EYS: variants seen among roughly 807,000 people sequenced by gnomAD.
EYS encodes EGF-like photoreceptor maintenance factor.
A neutral mutation model predicts 282.1 loss-of-function variants in EYS; 250 were observed. That is an observed-to-expected ratio of 0.89 (90% CI 0.80 to 0.98). The LOEUF is 0.98. EYS is among the 50% of genes least tolerant of loss of function. The probability of loss-of-function intolerance (pLI) is 0.00; values close to 1 mark genes in which losing one functional copy is unlikely to be tolerated. For synonymous variants in EYS, 1,355 were observed against 1,282.9 expected (o/e 1.06, Z -1.20); for missense variants, 4,016 against 3,709.0 (o/e 1.08, Z -2.15).
chr6:65,291,911 G>A lies in EYS; in HGVS notation c.2023+3952C>T, dbSNP rs146565877. ...GCAGAGTGATGAAATTGAGCTTGAC[G>A]TGATCCTACAATATGTCTTGAAAGC... On this transcript the variant is annotated intron_variant, in intron 12 of 42. Transcript: ENST00000503581. Among the ~76,000 whole-genome samples, 354 of 151,668 alleles carry A rather than the reference G, an allele frequency of 2.3e-3. 3 individuals carry two copies. The highest frequency in any genetic ancestry group is 7.5e-3 in the African/African-American group (312 of 41,462).
At chr6:64,443,839 C>A (rs1258394156) in intron 26 of EYS, among the ~76,000 whole-genome samples, 1 of 152,104 alleles carries the variant, frequency 6.6e-6, no homozygotes, top group Non-Finnish European at 1.5e-5. Flanking sequence ...AAAACTCTTT[C>A]TTTTGTAAAC....
At chr6:63,976,495 C>T (rs534282684) in intron 35 of EYS, among the ~76,000 whole-genome samples, 15 of 152,076 alleles carry the variant, frequency 9.9e-5, no homozygotes, top group Middle Eastern at 6.8e-3. Flanking sequence ...TTGATGGAGG[C>T]GCAAATGAAT....
chr6:65,042,303 A>T (rs1772961827), intron 13 of EYS, among the ~76,000 whole-genome samples: 1 of 151,638 alleles, frequency 6.6e-6, no homozygotes, highest in Admixed American at 6.6e-5. Flanking sequence ...TTTTTTATCC[A>T]GATGAATAAT....
intron 9 of EYS, among the ~76,000 whole-genome samples, chr6:65,352,510 C>G (rs1003972116): frequency 4.6e-5 from 7 of 151,818 alleles, no homozygotes; most frequent in Non-Finnish European, 1.0e-4. Flanking sequence ...AATTGAAACT[C>G]TATAATATAA....
chr6:65,074,481 C>T (rs757972974), intron 12 of EYS, among the ~76,000 whole-genome samples: 7 of 152,020 alleles, frequency 4.6e-5, no homozygotes, highest in Non-Finnish European at 1.0e-4. Flanking sequence ...CTCTGAGTGG[C>T]TACTGCCGAG....
chr6:65,318,918 C>G (rs78913018), intron 11 of EYS, among the ~76,000 whole-genome samples: 2 of 150,420 alleles, frequency 1.3e-5, no homozygotes, highest in African/African-American at 2.4e-5. Flanking sequence ...CTGGGATTAC[C>G]GTCGTGAGCC....
intron 12 of EYS, among the ~76,000 whole-genome samples, chr6:65,240,421 T>G (rs1767029755): frequency 6.6e-6 from 1 of 152,106 alleles, no homozygotes; most frequent in African/African-American, 2.4e-5. Context: ...TTTCAGCACT[T>G]GCCCACCTCC....
chr6:64,416,808 T>C (rs1774071607), intron 28 of EYS, among the ~76,000 whole-genome samples: 1 of 152,104 alleles, frequency 6.6e-6, no homozygotes, highest in Non-Finnish European at 1.5e-5. Context: ...TGTCCTTAGG[T>C]AAAAGATAAT....
intron 22 of EYS, among the ~76,000 whole-genome samples, chr6:64,689,393 T>A (rs1362969243): frequency 6.6e-6 from 1 of 152,040 alleles, no homozygotes; most frequent in African/African-American, 2.4e-5. Context: ...ATGGCCATAC[T>A]GCCCAAGGTA....
intron 13 of EYS, 91 bp from the exon 14 acceptor site, chr6:64,997,794 G>T: frequency 8.5e-7 from 1 of 1,182,236 alleles, no homozygotes; most frequent in Non-Finnish European, 1.2e-6. Context: ...AATCATTTAT[G>T]TAGTTCACTT....
At chr6:65,301,519 G>A (rs1473912797) in intron 11 of EYS, among the ~76,000 whole-genome samples, 3 of 152,178 alleles carry the variant, frequency 2.0e-5, no homozygotes, top group African/African-American at 7.2e-5. Context: ...GGAGGACGAC[G>A]GACGGCAGCG....
intron 26 of EYS, among the ~76,000 whole-genome samples, chr6:64,451,315 G>T (rs1164782631): frequency 6.6e-6 from 1 of 152,180 alleles, no homozygotes; most frequent in Non-Finnish European, 1.5e-5. Context: ...CCAGGAAGAA[G>T]TTGAATCTCT....
chr6:65,696,730 A>G (rs1000945414), intron 1 of EYS, among the ~76,000 whole-genome samples: 1 of 152,090 alleles, frequency 6.6e-6, no homozygotes, highest in African/African-American at 2.4e-5. Context: ...TATTTTAATA[A>G]TGATAAATAA....
chr6:65,455,526 C>T (rs563664791), intron 5 of EYS, among the ~76,000 whole-genome samples: 17 of 151,644 alleles, frequency 1.1e-4, no homozygotes, highest in South Asian at 2.1e-4. Context: ...CTAAAAAAAA[C>T]GAGAGAAGAC....
rs539953766 is a variant in EYS at position 65,440,388 on chromosome 6, A to T, written c.863-35021T>A. 4.6e-5 allele frequency among the ~76,000 whole-genome samples: 7 copies of T among 151,860 alleles called. No individual in the cohort carries two copies. In the South Asian group the frequency reaches 1.5e-3, roughly 32 times the overall value. On this transcript the variant is annotated intron_variant, in intron 5 of 42. Coordinates refer to ENST00000503581, the MANE Select transcript of EYS (RefSeq NM_001142800.2). ...TAAACAACCTTCAATAAAAAAAAAAAAATTAAAACCCCAAAAACAAAACCA... is the reference window on the plus strand; with the variant it reads ...TAAACAACCTTCAATAAAAAAAAAATAATTAAAACCCCAAAAACAAAACCA...
chr6:63,937,195 G>T (rs981694269), intron 35 of EYS, among the ~76,000 whole-genome samples: 1 of 151,986 alleles, frequency 6.6e-6, no homozygotes, highest in Admixed American at 6.6e-5. Flanking sequence ...AAGTAGTGGG[G>T]AAAACAGACA....
At chr6:64,381,210 T>C (rs1352979912) in intron 29 of EYS, among the ~76,000 whole-genome samples, 1 of 152,148 alleles carries the variant, frequency 6.6e-6, no homozygotes, top group Non-Finnish European at 1.5e-5. Flanking sequence ...TTATACTAAC[T>C]CTACCTAGTT....
intron 35 of EYS, among the ~76,000 whole-genome samples, chr6:63,912,020 ATTTATT>A (rs951082924): frequency 1.3e-5 from 2 of 152,176 alleles, no homozygotes; most frequent in Admixed American, 1.3e-4. Flanking sequence ...CCCAAGTTTT[ATTTATT>A]TTTATTTTTA....
At chr6:64,051,058 T>C (rs143325631) in intron 33 of EYS, among the ~76,000 whole-genome samples, 45 of 152,260 alleles carry the variant, frequency 3.0e-4, no homozygotes, top group African/African-American at 8.4e-4. Context: ...GAATGATGAA[T>C]GTAGGGAATA....
Sources: gnomAD v4.1 joint callset for allele counts (sites outside exome capture counted in the v4.1 genomes callset) on GRCh38, gnomAD v4.1.1 for gene constraint, MANE v1.5 for transcripts, NCBI Gene and HGNC (gene_info 2026-07-23, HGNC 2026-07-21) for gene names.